CREB1: variants seen among roughly 807,000 people sequenced by gnomAD.
CREB1 encodes cyclic AMP-responsive element-binding protein 1.
A neutral mutation model predicts 42.0 loss-of-function variants in CREB1; 2 were observed. The observed-to-expected ratio is 0.05, with a 90% CI of 0.02 to 0.15. The LOEUF is 0.15. Among genes scored for constraint, CREB1 ranks in the 10% least tolerant of loss-of-function variants. The pLI is 1.00. For missense variants in CREB1, 199 were observed against 388.9 expected, an observed-to-expected ratio of 0.51 and a Z score of 4.11; for synonymous variants, 123 against 139.9, an observed-to-expected ratio of 0.88 and a Z score of 0.85.
At chr2:207,591,805 G>C (rs547518900) in intron 7 of CREB1, among the ~76,000 whole-genome samples, 1 of 152,076 alleles carries the variant, frequency 6.6e-6, no homozygotes, top group East Asian at 1.9e-4. Flanking sequence ...TTTGAAGTGG[G>C]ATTCTTGTAG....
chr2:207,589,735 G>C (rs2084600243), intron 7 of CREB1, among the ~76,000 whole-genome samples: 1 of 152,042 alleles, frequency 6.6e-6, no homozygotes, highest in African/African-American at 2.4e-5. Context: ...TCTCTTATTT[G>C]GTCTGTTATT....
Position 207,597,024 on chromosome 2 carries a change from C to G in CREB1, c.950C>G (p.Ala317Gly). The change falls in exon 8 of 8, where the codon GCA becomes GGA. Residue 317 changes from alanine (A) to glycine (G), a missense_variant. Physicochemically the swap from Ala to Gly is moderately conservative, Grantham distance 60 (BLOSUM62 0). This residue lies in a region of CREB1 where 14 missense variants were observed against 93.0 expected (regional missense o/e 0.15). Transcript: ENST00000353267. ...AAGACATTGATTGAGGAGCTAAAAG[C>G]ACTTAAGGACCTTTACTGCCACAAA... ...QNKTLIEELK[A>G]LKDLYCHKSD is the part of the protein sequence containing the mutation. 4 of 1,609,942 alleles carry G rather than the reference C, an allele frequency of 2.5e-6. No homozygotes were observed. The highest frequency in any genetic ancestry group is 3.4e-6 in the Non-Finnish European group (4 of 1,178,868).
intron 7 of CREB1, chr2:207,580,810 T>C (rs1359582335): frequency 1.8e-5 from 4 of 223,180 alleles, no homozygotes; most frequent in Admixed American, 1.7e-4. Flanking sequence ...TCAGTTGCTG[T>C]GGCTCTCCTT....
In CREB1 at chr2:207,602,539, A is replaced by G. The variant is rs2087257399; in HGVS notation, c.*5481A>G. On this transcript the variant is annotated 3_prime_UTR_variant, in exon 8 of 8. Transcript: ENST00000353267. ...CAAGCTTTTGTCTGAGGAGCATCTC[A>G]GAGAAGTGAGAGTAAATCTGAGTTA... 4.8e-6 allele frequency: 1 copy of G among 210,060 alleles called. No individual in the cohort carries two copies. 13.0% of individuals were successfully genotyped at this position (210,060 alleles called of 1,614,324 possible).
Position 207,560,226 on chromosome 2 carries a change from G to A in CREB1, c.115G>A (p.Val39Ile). The A allele has an allele frequency of 6.2e-7, 1 of 1,605,114 alleles. No individual in the cohort carries two copies. The highest frequency in any genetic ancestry group is 8.5e-7 in the Non-Finnish European group (1 of 1,173,500). The change falls in exon 3 of 8, where the codon GTA becomes ATA. Residue 39 changes from valine (V) to isoleucine (I), a missense_variant and splice_region_variant. Transcript: ENST00000353267. ...AQPQIATLAQ[V>I]SMPAAHATSS... ...TTCTTTTCTGTGTTCAACACCATAG[G>A]TATCTATGCCAGCAGCTCATGCAAC...
intron 7 of CREB1, among the ~76,000 whole-genome samples, chr2:207,594,595 C>T (rs1292268511): frequency 2.6e-5 from 4 of 152,074 alleles, no homozygotes; most frequent in Admixed American, 6.6e-5. Flanking sequence ...ATGTATATAC[C>T]ACATTTTGCT....
chr2:207,543,633 G>A (rs914842812), intron 1 of CREB1, among the ~76,000 whole-genome samples: 7 of 151,806 alleles, frequency 4.6e-5, no homozygotes, highest in African/African-American at 1.7e-4. Context: ...TTTTTGAGAT[G>A]GAGTCTGTCA....
chr2:207,570,125 T>C, intron 4 of CREB1, 54 bp from the exon 5 acceptor site: 3 of 1,365,286 alleles, frequency 2.2e-6, no homozygotes, highest in Non-Finnish European at 2.0e-6. Flanking sequence ...TATTTGTATT[T>C]AGCCAGTAAA....
chr2:207,537,621 T>G (rs2080926308), intron 1 of CREB1, among the ~76,000 whole-genome samples: 1 of 152,238 alleles, frequency 6.6e-6, no homozygotes, highest in Non-Finnish European at 1.5e-5. Context: ...TTGTTGAAGT[T>G]GTAAGTAGAA....
rs988485082 is a variant in CREB1 at position 207,567,348 on chromosome 2, A to AT, written c.262-108dup. On this transcript the variant is annotated intron_variant, in intron 3 of 7. Coordinates refer to ENST00000353267, the MANE Select transcript of CREB1 (RefSeq NM_004379.5). ...GTGTGGTTGTCTCCCATAAGAACTG[A>AT]TTTTTTTCTACTGAAGCATGTATAA... 8.2e-5 allele frequency: 53 copies of AT among 645,702 alleles called. No homozygotes were observed. In the African/African-American group the frequency reaches 8.8e-4, roughly 11 times the overall value. The allele number at this position is 645,702 out of a possible 1,614,324, so 40.0% of individuals were successfully genotyped here.
chr2:207,557,925 A>C (rs1209000755), intron 2 of CREB1, among the ~76,000 whole-genome samples: 2 of 152,176 alleles, frequency 1.3e-5, no homozygotes, highest in African/African-American at 4.8e-5. Context: ...AATTGCTTCA[A>C]ATATTACAAG....
intron 1 of CREB1, among the ~76,000 whole-genome samples, chr2:207,545,624 G>A (rs775270618): frequency 6.6e-5 from 10 of 152,160 alleles, no homozygotes; most frequent in Non-Finnish European, 7.3e-5. Context: ...CGTAGTAGGC[G>A]CAGAATATTT....
chr2:207,594,995 T>G (rs2085838027), intron 7 of CREB1, among the ~76,000 whole-genome samples: 1 of 149,102 alleles, frequency 6.7e-6, no homozygotes, highest in Non-Finnish European at 1.5e-5. Context: ...GAGCATCTTT[T>G]TTTTTTTTTT....
chr2:207,602,099 T>TTG lies in CREB1; in HGVS notation c.*5042_*5043dup, dbSNP rs1250863620. The stretch of plus-strand genomic sequence containing the variant: ...CTCATCTGCTTATGATAAGTTCTTA[T>TTG]TGATTAGTGAATGTAGCTTAAGCCT... On this transcript the variant is annotated 3_prime_UTR_variant, in exon 8 of 8. Transcript: ENST00000353267. The TTG allele has an allele frequency of 4.9e-6, 1 of 205,204 alleles. No individual in the cohort carries two copies. Among genetic ancestry groups the TTG allele is most frequent in the East Asian group, 7.4e-5 (1 of 13,542 alleles). 12.7% of individuals were successfully genotyped at this position (205,204 alleles called of 1,614,324 possible). A position where few individuals can be genotyped will look rare whatever the true frequency, so the allele number is the denominator to read the frequency against.
Position 207,582,107 on chromosome 2 carries a change from A to G in CREB1, c.839+4452A>G, listed in dbSNP as rs779591448. ...CAGGTGTCTCCACTGTTGAGCTACC[A>G]TTTTTCTCTTTGTCCAGCCCATATT... On this transcript the variant is annotated intron_variant, in intron 7 of 7. Transcript: ENST00000353267. The G allele has an allele frequency of 1.3e-5, 9 of 702,718 alleles. No homozygotes were observed. The Middle Eastern group carries it at 6.8e-4, about 53-fold the overall frequency. 43.5% of individuals were successfully genotyped at this position (702,718 alleles called of 1,614,324 possible).
intron 1 of CREB1, among the ~76,000 whole-genome samples, chr2:207,537,480 T>G (rs2080921057): frequency 6.6e-6 from 1 of 152,194 alleles, no homozygotes; most frequent in South Asian, 2.1e-4. Flanking sequence ...GAATCATCAG[T>G]GGATTGCCTC....
At chr2:207,539,532 T>TAGGTATTA (rs2081013022) in intron 1 of CREB1, among the ~76,000 whole-genome samples, 1 of 152,190 alleles carries the variant, frequency 6.6e-6, no homozygotes, top group Non-Finnish European at 1.5e-5. Flanking sequence ...TTTATTCAGT[T>TAGGTATTA]AGGTATTTAT....
At chr2:207,540,689 AAAAAAAAAGG>A (rs1307420433) in intron 1 of CREB1, among the ~76,000 whole-genome samples, 22 of 150,232 alleles carry the variant, frequency 1.5e-4, no homozygotes, top group African/African-American at 5.4e-4. Context: ...AAAAAAAAAA[AAAAAAAAAGG>A]AAAAAACCTT....
intron 5 of CREB1, among the ~76,000 whole-genome samples, chr2:207,574,445 T>C (rs2106563558): frequency 1.3e-5 from 2 of 152,332 alleles, no homozygotes; most frequent in South Asian, 4.1e-4. Context: ...ATTAAATTTT[T>C]CTATGTACTG....
Sources: allele counts gnomAD v4.1 joint callset (sites outside exome capture counted in the v4.1 genomes callset), GRCh38; gene constraint gnomAD v4.1.1; regional missense constraint gnomAD v4.1.1; transcripts MANE v1.5; gene names NCBI Gene and HGNC (gene_info 2026-07-23, HGNC 2026-07-21).